TSC1: variants seen among roughly 807,000 people sequenced by gnomAD.
The protein encoded by TSC1 is hamartin.
TSC1 carries 20 observed loss-of-function variants against 124.3 expected under a neutral mutation model. The ratio of observed to expected loss-of-function variants is 0.16; its 90% CI spans 0.11 to 0.23. The LOEUF is 0.23. TSC1 is among the 10% of genes least tolerant of loss of function. The probability of loss-of-function intolerance (pLI) is 1.00; values close to 1 mark genes in which losing one functional copy is unlikely to be tolerated. For synonymous variants in TSC1, 493 were observed against 539.1 expected (o/e 0.91, Z 1.19); for missense variants, 1,124 against 1,448.5 (o/e 0.78, Z 3.64).
intron 1 of TSC1, among the ~76,000 whole-genome samples, chr9:132,938,577 T>C (rs1025600188): frequency 2.0e-5 from 3 of 152,222 alleles, no homozygotes; most frequent in African/African-American, 7.2e-5. Flanking sequence ...TTAACTAATA[T>C]CATTCTTTAG....
intron 1 of TSC1, among the ~76,000 whole-genome samples, chr9:132,936,574 A>G (rs1847466780): frequency 6.6e-6 from 1 of 152,220 alleles, no homozygotes; most frequent in South Asian, 2.1e-4. Context: ...CTTGTATTAA[A>G]TATCCATGCT....
At chr9:132,914,072 G>A (rs1260659418) in intron 8 of TSC1, among the ~76,000 whole-genome samples, 1 of 151,356 alleles carries the variant, frequency 6.6e-6, no homozygotes, top group East Asian at 2.0e-4. Context: ...CCAATTTTTT[G>A]TATTTTTAGT....
At position 132,893,707 on chromosome 9, in the gene TSC1, C is replaced by A. The variant is rs1844885554; in HGVS notation, c.*2528G>T. ...ACCCATAGTGATTTCTGGATGGAGGCCATCCAATCCCAATATTTATGAATA... is the reference window on the plus strand; with the variant it reads ...ACCCATAGTGATTTCTGGATGGAGGACATCCAATCCCAATATTTATGAATA... On this transcript the variant is annotated 3_prime_UTR_variant, in exon 23 of 23. Transcript: ENST00000298552. 1 of 233,058 alleles carries A rather than the reference C, an allele frequency of 4.3e-6. No homozygotes were observed. Among genetic ancestry groups the A allele is most frequent in the South Asian group, 1.8e-4 (1 of 5,524 alleles). 14.4% of individuals were successfully genotyped at this position (233,058 alleles called of 1,614,324 possible).
chr9:132,915,112 G>C (rs578224417), intron 8 of TSC1, among the ~76,000 whole-genome samples: 1 of 151,898 alleles, frequency 6.6e-6, no homozygotes, highest in African/African-American at 2.4e-5. Context: ...CTTGACCCTG[G>C]GAGGTTGAGG....
At chr9:132,912,750 G>A (rs1223180415) in intron 8 of TSC1, 10 of 396,902 alleles carry the variant, frequency 2.5e-5, no homozygotes, top group Non-Finnish European at 4.7e-5. Context: ...CATAAGCTAT[G>A]CAGCAGAGCA....
rs2132161619 is a variant in TSC1, at chr9:132,921,960, T to C, written c.522A>G (p.Glu174=). ...TGGCATGGAGATGGACGAGATAGAC[T>C]TCCGCCACGTGGCCTAGAAAAGGAA... ...WCLKKPGHVA[E]VYLVHLHASV... The change falls in exon 7 of 23, where the codon GAA becomes GAG. Residue 174 remains glutamate (E), a synonymous_variant. Coordinates refer to ENST00000298552, the MANE Select transcript of TSC1 (RefSeq NM_000368.5). This position sits in a 1 kb window ranked among gnomAD's most constrained non-coding sequence, Gnocchi z 4.3. 1 of 1,614,140 alleles carries C rather than the reference T, an allele frequency of 6.2e-7. No individual in the cohort carries two copies. Among genetic ancestry groups the C allele is most frequent in the South Asian group, 1.1e-5 (1 of 91,086 alleles).
chr9:132,920,501 C>T (rs1044869507), intron 8 of TSC1, among the ~76,000 whole-genome samples: 8 of 152,128 alleles, frequency 5.3e-5, no homozygotes, highest in East Asian at 1.9e-4. Context: ...TTTACATACA[C>T]ATTTTCTATA....
upstream of TSC1, chr9:132,944,821 G>C: frequency 2.6e-6 from 1 of 385,114 alleles, no homozygotes. Context: ...TATGGAGGGG[G>C]GCGGGGCCGG....
chr9:132,910,553 A>C lies in TSC1; in HGVS notation c.1263+18T>G. On this transcript the variant is annotated intron_variant, in intron 12 of 22. Coordinates refer to ENST00000298552, the MANE Select transcript of TSC1 (RefSeq NM_000368.5). The stretch of plus-strand genomic sequence containing the variant: ...CACTGTGCCTGGGCAGAGGGATAGC[A>C]GACGAGCTGGATCGCACCTTCCTGG... 1.2e-6 allele frequency: 2 copies of C among 1,613,990 alleles called. No individual in the cohort carries two copies. Among genetic ancestry groups the C allele is most frequent in the Non-Finnish European group, 1.7e-6 (2 of 1,180,044 alleles).
upstream of TSC1, chr9:132,945,121 C>G (rs2132551044): frequency 6.6e-6 from 1 of 152,506 alleles, no homozygotes; most frequent in South Asian, 2.1e-4. Flanking sequence ...TCCTGTTTCC[C>G]AAGGAGCTGC....
chr9:132,944,346 G>A (rs1023728487), intron 1 of TSC1, among the ~76,000 whole-genome samples, 197 bp downstream of exon 1: 1 of 152,138 alleles, frequency 6.6e-6, no homozygotes, highest in African/African-American at 2.4e-5. Flanking sequence ...GGACCCGCCA[G>A]TCCCGGCCGG....
intron 5 of TSC1, among the ~76,000 whole-genome samples, chr9:132,925,340 T>A (rs1168828378): frequency 1.3e-5 from 2 of 152,222 alleles, no homozygotes; most frequent in Non-Finnish European, 2.9e-5. Flanking sequence ...TGGAATAATG[T>A]AACATTGAAC....
intron 1 of TSC1, among the ~76,000 whole-genome samples, chr9:132,943,282 A>G (rs1847840578): frequency 6.6e-6 from 1 of 151,748 alleles, no homozygotes; most frequent in Non-Finnish European, 1.5e-5. Context: ...TTTCTTCAGT[A>G]AACTCATCAG....
chr9:132,915,726 T>C (rs1398323987), intron 8 of TSC1, among the ~76,000 whole-genome samples: 1 of 152,206 alleles, frequency 6.6e-6, no homozygotes. Context: ...GTGATCCTAC[T>C]CAACTGTTGT....
At chr9:132,901,548 T>TAA in intron 19 of TSC1, 41 bp downstream of exon 19, 1 of 1,521,554 alleles carries the variant, frequency 6.6e-7, no homozygotes, top group South Asian at 1.1e-5. Flanking sequence ...TGTTAGCAAA[T>TAA]GGTGTTTCAG....
rs1588286218 is a variant in TSC1, at chr9:132,896,323, T to C, written c.3407A>G (p.Asp1136Gly). 6.2e-7 allele frequency: 1 copy of C among 1,614,194 alleles called. No individual in the cohort carries two copies. The highest frequency in any genetic ancestry group is 8.5e-7 in the Non-Finnish European group (1 of 1,180,028). ...GVEAKIPLNL[D>G]GPHPSPPTPD... ...GGTCGGGGGAGACGGGTGAGGGCCA[T>C]CTAGGTTCAGGGGAATCTTGGCTTC... The change falls in exon 23 of 23, where the codon GAT becomes GGT. Residue 1136 changes from aspartate (D) to glycine (G), a missense_variant. Asp to Gly is a moderately conservative substitution (Grantham distance 94). Coordinates refer to ENST00000298552, the MANE Select transcript of TSC1 (RefSeq NM_000368.5). This position sits in a 1 kb window ranked among gnomAD's most constrained non-coding sequence, Gnocchi z 4.5.
At position 132,923,305 on chromosome 9, in the gene TSC1, A is replaced by G; in HGVS notation, c.508+43T>C. Reference sequence around the variant, plus strand: ...TGAGCAATTAATCAATAATGAAAGCATTCACCTCACAGGGCCCAACAGGTA... The same window carrying G: ...TGAGCAATTAATCAATAATGAAAGCGTTCACCTCACAGGGCCCAACAGGTA... On this transcript the variant is annotated intron_variant, in intron 6 of 22. Coordinates refer to ENST00000298552, the MANE Select transcript of TSC1 (RefSeq NM_000368.5). This position sits in a 1 kb window ranked among gnomAD's most constrained non-coding sequence, Gnocchi z 4.2. 1 of 1,608,452 alleles carries G rather than the reference A, an allele frequency of 6.2e-7. No homozygotes were observed. The highest frequency in any genetic ancestry group is 8.5e-7 in the Non-Finnish European group (1 of 1,176,170).
chr9:132,942,315 T>C (rs1260527734), intron 1 of TSC1: 2 of 152,244 alleles, frequency 1.3e-5, no homozygotes, highest in African/African-American at 4.8e-5. Flanking sequence ...CCAAAATATA[T>C]ATACAAGGTG....
At position 132,907,352 on chromosome 9, in the gene TSC1, C is replaced by G. The variant is rs1845728007; in HGVS notation, c.1282G>C (p.Ala428Pro). The change falls in exon 13 of 23, where the codon GCA becomes CCA. Residue 428 changes from alanine (A) to proline (P), a missense_variant. This residue lies in a region of TSC1 where 463 missense variants were observed against 606.8 expected (regional missense o/e 0.76). Coordinates refer to ENST00000298552, the MANE Select transcript of TSC1 (RefSeq NM_000368.5). The stretch of plus-strand genomic sequence containing the variant: ...TGTTGTCTGTGTAGACATGGTCTTG[C>G]AGAATCCATTCTCTCTTCCTGAAAA... ...PPRKEERMDS[A>P]RPCLHRQHHL... 1 of 1,613,922 alleles carries G rather than the reference C, an allele frequency of 6.2e-7. No individual in the cohort carries two copies. The highest frequency in any genetic ancestry group is 1.7e-5 in the Admixed American group (1 of 60,012).
Sources: gnomAD v4.1 joint callset for allele counts (sites outside exome capture counted in the v4.1 genomes callset) on GRCh38, gnomAD v4.1.1 for gene constraint, gnomAD v4.1.1 regional missense constraint, Gnocchi (gnomAD v3.1) non-coding constraint, MANE v1.5 for transcripts, NCBI Gene and HGNC (gene_info 2026-07-23, HGNC 2026-07-21) for gene names.